PRKAG2: variants seen among roughly 807,000 people sequenced by gnomAD.
PRKAG2 encodes the protein protein kinase AMP-activated non-catalytic subunit gamma 2.
Under a neutral mutation model 69.6 loss-of-function variants are expected in PRKAG2, and 26 were observed. That is an observed-to-expected ratio of 0.37 (90% CI 0.27 to 0.52). The LOEUF is 0.52. Among genes scored for constraint, PRKAG2 ranks in the 20% least tolerant of loss-of-function variants. The pLI, the probability that PRKAG2 is intolerant of heterozygous loss-of-function variation, is 0.90. For synonymous variants in PRKAG2, 293 were observed against 285.0 expected (o/e 1.03, Z -0.28); for missense variants, 557 against 740.0 (o/e 0.75, Z 2.87).
chr7:151,645,472 C>T (rs1827407824), intron 4 of PRKAG2, among the ~76,000 whole-genome samples: 1 of 152,198 alleles, frequency 6.6e-6, no homozygotes, highest in Non-Finnish European at 1.5e-5. Flanking sequence ...GAGGACTCAA[C>T]TAAGCTGTAC....
chr7:151,730,264 A>T (rs749159044), intron 3 of PRKAG2, among the ~76,000 whole-genome samples: 1 of 152,268 alleles, frequency 6.6e-6, no homozygotes, highest in Admixed American at 6.5e-5. Context: ...GTGTGGGAAC[A>T]GAGGCCAGCA....
At chr7:151,784,472 C>A (rs1302259388) in intron 2 of PRKAG2, among the ~76,000 whole-genome samples, 1 of 152,206 alleles carries the variant, frequency 6.6e-6, no homozygotes, top group African/African-American at 2.4e-5. Context: ...CTGAAACCTG[C>A]CCCTTAACAG....
At chr7:151,843,823 G>A (rs527769959) in intron 1 of PRKAG2, among the ~76,000 whole-genome samples, 58 of 152,360 alleles carry the variant, frequency 3.8e-4, no homozygotes, top group African/African-American at 1.4e-3. Context: ...GTTAAGATCG[G>A]ATAGAAATTC....
At chr7:151,816,593 T>C (rs2078646841) in intron 1 of PRKAG2, among the ~76,000 whole-genome samples, 1 of 152,226 alleles carries the variant, frequency 6.6e-6, no homozygotes, top group Admixed American at 6.5e-5. Context: ...TGCGGGATTA[T>C]TCTGGAACCA....
Position 151,564,325 on chromosome 7 carries a change from T to C in PRKAG2, c.1438-101A>G, listed in dbSNP as rs140810393. 1.9e-4 allele frequency: 253 copies of C among 1,314,284 alleles called. No individual in the cohort carries two copies. In the African/African-American group the frequency reaches 3.5e-3, roughly 18 times the overall value. The allele number at this position is 1,314,284 out of a possible 1,614,324, so 81.4% of individuals were successfully genotyped here. On this transcript the variant is annotated intron_variant, in intron 13 of 15. Coordinates refer to ENST00000287878, the MANE Select transcript of PRKAG2 (RefSeq NM_016203.4). ...AGAGCCTGATTTCTAAAAACTTTAATGCTTATCTGAATTTAGTACCTGCAT... is the reference window on the plus strand; with the variant it reads ...AGAGCCTGATTTCTAAAAACTTTAACGCTTATCTGAATTTAGTACCTGCAT...
Position 151,687,377 on chromosome 7 carries a change from G to A in PRKAG2, c.467-11740C>T, listed in dbSNP as rs74739189. Reference sequence around the variant, plus strand: ...CCCCTCTGCTGCTTTGTGAGAGAGAGAAATTCTGCCACAGAACTTTTCCCA... The same window carrying A: ...CCCCTCTGCTGCTTTGTGAGAGAGAAAAATTCTGCCACAGAACTTTTCCCA... On this transcript the variant is annotated intron_variant, in intron 3 of 15. Transcript: ENST00000287878. Among the ~76,000 whole-genome samples, 1,054 of 152,326 alleles carry A rather than the reference G, an allele frequency of 6.9e-3. 9 individuals carry two copies. Among genetic ancestry groups the A allele is most frequent in the Middle Eastern group, 0.017 (5 of 294 alleles).
intron 5 of PRKAG2, among the ~76,000 whole-genome samples, chr7:151,618,007 T>C (rs1171245842): frequency 6.6e-6 from 1 of 151,978 alleles, no homozygotes; most frequent in South Asian, 2.1e-4. Flanking sequence ...CAGTCAAAAG[T>C]ATATGGAAGA....
rs1806429109 is a variant in PRKAG2 at position 151,567,092 on chromosome 7, G to A, written c.1234-1207C>T. ...GTGCAACAGCACACTAGCAGAAATA[G>A]TTTGGGCTTGGGAGTCAGAGAGACT... On this transcript the variant is annotated intron_variant, in intron 11 of 15. Coordinates refer to ENST00000287878, the MANE Select transcript of PRKAG2 (RefSeq NM_016203.4). The surrounding 1 kb of genome is among the most constrained non-coding windows in gnomAD (Gnocchi z 4.2). 6.6e-6 allele frequency among the ~76,000 whole-genome samples: 1 copy of A among 152,200 alleles called. No homozygotes were observed. The highest frequency in any genetic ancestry group is 2.1e-4 in the South Asian group (1 of 4,830).
intron 3 of PRKAG2, among the ~76,000 whole-genome samples, chr7:151,723,765 G>T (rs893393485): frequency 6.6e-6 from 1 of 152,162 alleles, no homozygotes; most frequent in African/African-American, 2.4e-5. Flanking sequence ...AGGTGAGTTG[G>T]TCTCAACTGG....
intron 3 of PRKAG2, among the ~76,000 whole-genome samples, chr7:151,763,434 TG>T (rs1282048037): frequency 6.6e-6 from 1 of 152,218 alleles, no homozygotes. Context: ...AGGGGTGGGC[TG>T]GGAGAGGCAG....
intron 1 of PRKAG2, among the ~76,000 whole-genome samples, chr7:151,821,053 G>GTAGAAGAGAGAGCCTCCAA (rs1216334379): frequency 3.3e-5 from 5 of 151,920 alleles, no homozygotes; most frequent in Non-Finnish European, 5.9e-5. Flanking sequence ...CAGAAGGAAA[G>GTAGAAGAGAGAGCCTCCAA]CTGTGGAGAC....
At chr7:151,664,014 G>T (rs1830684192) in intron 4 of PRKAG2, among the ~76,000 whole-genome samples, 1 of 152,206 alleles carries the variant, frequency 6.6e-6, no homozygotes, top group Admixed American at 6.5e-5. Flanking sequence ...ATAAATGAAT[G>T]CACGTAGCTG....
intron 3 of PRKAG2, among the ~76,000 whole-genome samples, chr7:151,779,022 C>T (rs2076540665): frequency 6.6e-6 from 1 of 152,192 alleles, no homozygotes; most frequent in South Asian, 2.1e-4. Context: ...CATATGCTTT[C>T]TTCCCCCATA....
chr7:151,742,627 A>C (rs57432408), intron 3 of PRKAG2, among the ~76,000 whole-genome samples: 13 of 137,166 alleles, frequency 9.5e-5, no homozygotes, highest in East Asian at 5.3e-4. Flanking sequence ...ACATCTCACA[A>C]AAAAAAAAAA....
chr7:151,645,471 A>G (rs1827407209), intron 4 of PRKAG2, among the ~76,000 whole-genome samples: 1 of 152,230 alleles, frequency 6.6e-6, no homozygotes, highest in African/African-American at 2.4e-5. Flanking sequence ...AGAGGACTCA[A>G]CTAAGCTGTA....
At chr7:151,854,025 G>T (rs1429861697) in intron 1 of PRKAG2, among the ~76,000 whole-genome samples, 1 of 151,906 alleles carries the variant, frequency 6.6e-6, no homozygotes, top group Non-Finnish European at 1.5e-5. Flanking sequence ...CTGTCCACCC[G>T]CTGGGGACAG....
intron 1 of PRKAG2, among the ~76,000 whole-genome samples, chr7:151,795,891 CACG>C (rs2077509776): frequency 1.2e-5 from 1 of 82,350 alleles, no homozygotes; most frequent in Non-Finnish European, 2.3e-5. Context: ...ATATATATAT[CACG>C]ATAATATGTA....
At chr7:151,687,886 C>T (rs1394467307) in intron 3 of PRKAG2, among the ~76,000 whole-genome samples, 5 of 152,208 alleles carry the variant, frequency 3.3e-5, no homozygotes, top group Admixed American at 3.3e-4. Flanking sequence ...GGTGTATCTG[C>T]CTTGGGCTGC....
At chr7:151,689,526 T>G (rs1835320151) in intron 3 of PRKAG2, among the ~76,000 whole-genome samples, 1 of 152,174 alleles carries the variant, frequency 6.6e-6, no homozygotes, top group South Asian at 2.1e-4. Context: ...ACCTCCACTT[T>G]GGAGAGCCAC....
Sources: allele counts gnomAD v4.1 joint callset (sites outside exome capture counted in the v4.1 genomes callset), GRCh38; gene constraint gnomAD v4.1.1; non-coding constraint Gnocchi (gnomAD v3.1); transcripts MANE v1.5; gene names NCBI Gene and HGNC (gene_info 2026-07-23, HGNC 2026-07-21).